Variants in PTPRD observed in about 807,000 individuals in gnomAD.
The protein encoded by PTPRD is receptor-type tyrosine-protein phosphatase delta.
Under a neutral mutation model 214.5 loss-of-function variants are expected in PTPRD, and 34 were observed. The ratio of observed to expected loss-of-function variants is 0.16; its 90% CI spans 0.12 to 0.21. The LOEUF (loss-of-function observed/expected upper bound fraction) is 0.21. Among genes scored for constraint, PTPRD ranks in the 10% least tolerant of loss-of-function variants. The pLI is 1.00. For missense variants in PTPRD, 2,545 were observed against 2,398.7 expected, an observed-to-expected ratio of 1.06 and a Z score of -1.27; for synonymous variants, 1,128 against 845.7, an observed-to-expected ratio of 1.33 and a Z score of -5.79.
chr9:10,520,134 C>G (rs2051665507), intron 2 of PTPRD, among the ~76,000 whole-genome samples: 1 of 152,092 alleles, frequency 6.6e-6, no homozygotes, highest in Non-Finnish European at 1.5e-5. Flanking sequence ...GCCAAGACAG[C>G]CCAAAAACTA....
intron 9 of PTPRD, among the ~76,000 whole-genome samples, chr9:9,262,088 T>C (rs2099980366): frequency 1.3e-5 from 2 of 151,670 alleles, no homozygotes; most frequent in African/African-American, 4.8e-5. Flanking sequence ...GCAAGATATA[T>C]ACTGGGGTGT....
At chr9:10,210,809 ATATATATATATATGTATG>A (rs1564549842) in intron 3 of PTPRD, among the ~76,000 whole-genome samples, 3 of 95,408 alleles carry the variant, frequency 3.1e-5, no homozygotes, top group Non-Finnish European at 6.0e-5. Flanking sequence ...ATATATATAT[ATATATATATATATGTATG>A]TATGTATGTA....
At chr9:9,448,264 C>G (rs2091094187) in intron 8 of PTPRD, among the ~76,000 whole-genome samples, 1 of 151,946 alleles carries the variant, frequency 6.6e-6, no homozygotes, top group South Asian at 2.1e-4. Flanking sequence ...CTATGTGTCC[C>G]CACCCAAATC....
At chr9:8,628,817 T>G (rs547782383) in intron 14 of PTPRD, among the ~76,000 whole-genome samples, 17 of 151,946 alleles carry the variant, frequency 1.1e-4, no homozygotes, top group African/African-American at 4.1e-4. Context: ...AAGTATCACT[T>G]GATGAAATAT....
chr9:9,442,648 G>C (rs964717369), intron 8 of PTPRD, among the ~76,000 whole-genome samples: 1 of 152,108 alleles, frequency 6.6e-6, no homozygotes, highest in African/African-American at 2.4e-5. Context: ...TGTGAGTTTG[G>C]GGGATTTAAT....
At chr9:9,350,298 C>G (rs1245686246) in intron 9 of PTPRD, among the ~76,000 whole-genome samples, 1 of 152,038 alleles carries the variant, frequency 6.6e-6, no homozygotes, top group East Asian at 1.9e-4. Flanking sequence ...AATAAGCAGC[C>G]TAACTCTTAT....
intron 4 of PTPRD, among the ~76,000 whole-genome samples, chr9:9,944,447 A>G (rs955126892): frequency 6.6e-6 from 1 of 152,176 alleles, no homozygotes; most frequent in African/African-American, 2.4e-5. Context: ...TTCTTTCTCC[A>G]TATGAAGCTT....
intron 12 of PTPRD, among the ~76,000 whole-genome samples, chr9:8,693,861 T>C (rs1428083154): frequency 6.6e-6 from 1 of 152,218 alleles, no homozygotes; most frequent in Non-Finnish European, 1.5e-5. Flanking sequence ...GAATGTATTT[T>C]TGTAGGGTGA....
intron 3 of PTPRD, among the ~76,000 whole-genome samples, chr9:10,293,900 T>G (rs1409202153): frequency 6.6e-6 from 1 of 151,908 alleles, no homozygotes; most frequent in Non-Finnish European, 1.5e-5. Context: ...ATAAATATTG[T>G]GGGCAAAATG....
intron 8 of PTPRD, among the ~76,000 whole-genome samples, chr9:9,495,379 G>C (rs1389294171): frequency 6.6e-6 from 1 of 150,620 alleles, no homozygotes; most frequent in Non-Finnish European, 1.5e-5. Context: ...GCAGCCCAAA[G>C]TGAGAACTTC....
chr9:9,371,156 T>C (rs992103434), intron 9 of PTPRD, among the ~76,000 whole-genome samples: 66 of 152,310 alleles, frequency 4.3e-4, no homozygotes, highest in African/African-American at 1.3e-3. Context: ...TTCCCTCTTT[T>C]TCCATTAATT....
intron 37 of PTPRD, among the ~76,000 whole-genome samples, chr9:8,381,580 G>A (rs1381526413): frequency 6.6e-6 from 1 of 152,148 alleles, no homozygotes; most frequent in Non-Finnish European, 1.5e-5. Context: ...GGAGGACAAA[G>A]AGGCACTACA....
intron 9 of PTPRD, among the ~76,000 whole-genome samples, chr9:9,315,313 C>T (rs1475657470): frequency 1.3e-5 from 2 of 151,888 alleles, no homozygotes; most frequent in Non-Finnish European, 2.9e-5. Flanking sequence ...TTGAATGCTA[C>T]CATATCACTG....
In PTPRD at chr9:9,230,249, T is replaced by C. The variant is rs1047293966; in HGVS notation, c.-202-46886A>G. Among the ~76,000 whole-genome samples the C allele has an allele frequency of 5.3e-5, 8 of 152,220 alleles. No individual in the cohort carries two copies. The South Asian group carries it at 1.5e-3, about 28-fold the overall frequency. On this transcript the variant is annotated intron_variant, in intron 9 of 45. Transcript: ENST00000381196. ...CAGAAAGACTGAATGATTAGAATGA[T>C]TCTAAAGAGGAGGTAGGTAGGAGAA...
chr9:9,130,636 A>G (rs2099841208), intron 10 of PTPRD, among the ~76,000 whole-genome samples: 1 of 152,190 alleles, frequency 6.6e-6, no homozygotes, highest in Non-Finnish European at 1.5e-5. Flanking sequence ...AGTGAGGGGA[A>G]TCATTTTAAA....
At chr9:10,110,691 G>A (rs1288790082) in intron 3 of PTPRD, among the ~76,000 whole-genome samples, 1 of 152,126 alleles carries the variant, frequency 6.6e-6, no homozygotes, top group Admixed American at 6.5e-5. Flanking sequence ...CTGGGCATTG[G>A]CCTATCCAAT....
intron 11 of PTPRD, among the ~76,000 whole-genome samples, chr9:8,836,036 A>G (rs1015348725): frequency 6.6e-6 from 1 of 152,176 alleles, no homozygotes; most frequent in Non-Finnish European, 1.5e-5. Context: ...ATTAATGCAT[A>G]CATATATACC....
At chr9:10,149,851 C>G (rs1020942026) in intron 3 of PTPRD, among the ~76,000 whole-genome samples, 1 of 151,906 alleles carries the variant, frequency 6.6e-6, no homozygotes, top group African/African-American at 2.4e-5. Context: ...CTGCCTCAGC[C>G]TCCCCAGTAG....
intron 44 of PTPRD, among the ~76,000 whole-genome samples, chr9:8,324,569 A>T (rs578104052): frequency 2.6e-5 from 4 of 152,322 alleles, no homozygotes; most frequent in African/African-American, 9.6e-5. Flanking sequence ...ATATGTGTGC[A>T]TGTGTCTTTG....
Sources: allele counts gnomAD v4.1 joint callset (sites outside exome capture counted in the v4.1 genomes callset), GRCh38; gene constraint gnomAD v4.1.1; transcripts MANE v1.5; gene names NCBI Gene and HGNC (gene_info 2026-07-23, HGNC 2026-07-21).